The following STAU2 variants were observed in gnomAD, a reference collection of about 807,000 sequenced individuals.
STAU2 encodes the protein double-stranded RNA-binding protein Staufen homolog 2.
STAU2 carries 20 observed loss-of-function variants against 65.9 expected under a neutral mutation model. The observed-to-expected ratio is 0.30, with a 90% CI of 0.21 to 0.44. The LOEUF (loss-of-function observed/expected upper bound fraction) is 0.44. Among genes scored for constraint, STAU2 ranks in the 20% least tolerant of loss-of-function variants. STAU2 has a pLI of 1.00. For missense variants in STAU2, 558 were observed against 683.9 expected, an observed-to-expected ratio of 0.82 and a Z score of 2.05; for synonymous variants, 232 against 233.9, an observed-to-expected ratio of 0.99 and a Z score of 0.07.
At chr8:73,741,535 C>T (rs1262648010) in intron 1 of STAU2, among the ~76,000 whole-genome samples, 7 of 147,878 alleles carry the variant, frequency 4.7e-5, no homozygotes, top group African/African-American at 1.5e-4. Context: ...TTTTTTGAGA[C>T]GGAGTCTTGC....
At chr8:73,689,055 T>G (rs963285279) in intron 4 of STAU2, among the ~76,000 whole-genome samples, 2 of 152,204 alleles carry the variant, frequency 1.3e-5, no homozygotes, top group African/African-American at 4.8e-5. Context: ...CTGGGTAGAA[T>G]AAATCAAGAA....
intron 12 of STAU2, among the ~76,000 whole-genome samples, chr8:73,558,587 G>A (rs2128947600): frequency 6.6e-6 from 1 of 152,232 alleles, no homozygotes; most frequent in East Asian, 1.9e-4. Flanking sequence ...AATGATCACT[G>A]ATGTCATGAT....
rs1811814757 is a variant in STAU2, at chr8:73,603,814, T to C, written c.941A>G (p.Gln314Arg). 1 of 1,612,106 alleles carries C rather than the reference T, an allele frequency of 6.2e-7. No individual in the cohort carries two copies. The highest frequency in any genetic ancestry group is 8.5e-7 in the Non-Finnish European group (1 of 1,179,908). Residue 314 changes from glutamine (Q) to arginine (R), a missense_variant, in exon 10 of 15, where the codon CAA becomes CGA. Coordinates refer to ENST00000524300, the MANE Select transcript of STAU2 (RefSeq NM_001164380.2). ...CTTTTCCTTTTTGGCCTGTTGAATTTGCGCCAGGCGGCTAATAGGGTTCAT... is the reference window on the plus strand; with the variant it reads ...CTTTTCCTTTTTGGCCTGTTGAATTCGCGCCAGGCGGCTAATAGGGTTCAT... Reference protein sequence around the residue: ...QGMNPISRLAQIQQAKKEKEP... With the variant: ...QGMNPISRLARIQQAKKEKEP...
chr8:73,649,224 T>C (rs1208557678), intron 6 of STAU2, among the ~76,000 whole-genome samples: 3 of 152,178 alleles, frequency 2.0e-5, no homozygotes, highest in African/African-American at 4.8e-5. Context: ...GCACATCCCA[T>C]ATTCTTGTTT....
At chr8:73,718,047 A>G (rs1306562487) in intron 3 of STAU2, among the ~76,000 whole-genome samples, 1 of 152,246 alleles carries the variant, frequency 6.6e-6, no homozygotes, top group East Asian at 1.9e-4. Flanking sequence ...TAATATGTCA[A>G]TGACTGTTAT....
At chr8:73,709,988 T>C (rs753394465) in intron 3 of STAU2, among the ~76,000 whole-genome samples, 1 of 152,042 alleles carries the variant, frequency 6.6e-6, no homozygotes, top group Non-Finnish European at 1.5e-5. Context: ...TTAACTACCA[T>C]AGAATTTCTT....
chr8:73,716,014 A>C (rs56190830), intron 3 of STAU2, among the ~76,000 whole-genome samples: 30,698 of 151,744 alleles, frequency 0.2, 3,456 homozygotes, highest in East Asian at 0.37. Context: ...TCCCAAGCTC[A>C]AGCGATTCTT....
intron 6 of STAU2, chr8:73,653,354 A>G (rs1481703559): frequency 6.6e-6 from 1 of 152,244 alleles, no homozygotes; most frequent in Admixed American, 6.5e-5. Flanking sequence ...AATATATGCC[A>G]TAACTTTTAG....
At chr8:73,518,639 C>T (rs1822872299) in intron 13 of STAU2, among the ~76,000 whole-genome samples, 1 of 152,112 alleles carries the variant, frequency 6.6e-6, no homozygotes, top group African/African-American at 2.4e-5. Context: ...AAAAGCCATT[C>T]TTAGTTCAGG....
intron 3 of STAU2, among the ~76,000 whole-genome samples, chr8:73,715,350 G>A (rs1182349883): frequency 1.3e-5 from 2 of 151,626 alleles, no homozygotes; most frequent in Non-Finnish European, 2.9e-5. Flanking sequence ...GAGCTATTCG[G>A]GAGGCTGAGG....
chr8:73,617,318 C>G lies in STAU2; in HGVS notation c.544G>C (p.Glu182Gln). 6.2e-7 allele frequency: 1 copy of G among 1,614,078 alleles called. No homozygotes were observed. The highest frequency in any genetic ancestry group is 8.5e-7 in the Non-Finnish European group (1 of 1,179,974). The change falls in exon 7 of 15, where the codon GAA becomes CAA. Residue 182 changes from glutamate to glutamine, a missense_variant. Around this residue, in one of 3 missense-constraint regions of STAU2, gnomAD observed 199 missense variants for 299.5 expected, o/e 0.66. Coordinates refer to ENST00000524300, the MANE Select transcript of STAU2 (RefSeq NM_001164380.2). ...TGAGGAGATCTTTCTGGAATAGGTT[C>G]ATTCTGCAGTGCTTGGAGGGCTTTC... ...AMKALQALQN[E>Q]PIPERSPQNG...
At chr8:73,500,222 C>T (rs1231545622) in intron 13 of STAU2, among the ~76,000 whole-genome samples, 1 of 151,874 alleles carries the variant, frequency 6.6e-6, no homozygotes. Context: ...GTCCTTTATA[C>T]AAAATGGCAT....
At chr8:73,733,619 G>A (rs1231278759) in intron 3 of STAU2, among the ~76,000 whole-genome samples, 4 of 151,698 alleles carry the variant, frequency 2.6e-5, no homozygotes, top group African/African-American at 9.7e-5. Flanking sequence ...ATTATCAGAG[G>A]GCATAATCCA....
intron 13 of STAU2, among the ~76,000 whole-genome samples, chr8:73,437,193 C>A (rs73318753): frequency 1.3e-5 from 2 of 152,126 alleles, no homozygotes; most frequent in Non-Finnish European, 2.9e-5. Context: ...ATCCATGTCA[C>A]CTGTGGTATG....
chr8:73,746,850 C>T, upstream of STAU2: 1 of 1,217,200 alleles, frequency 8.2e-7, no homozygotes, highest in Non-Finnish European at 1.0e-6. Context: ...TGACCCCGCT[C>T]GGCCGCCGCC....
At chr8:73,687,313 T>A (rs1818944662) in intron 5 of STAU2, among the ~76,000 whole-genome samples, 4 of 121,820 alleles carry the variant, frequency 3.3e-5, no homozygotes, top group African/African-American at 5.9e-5. Context: ...TAAATATAAT[T>A]TATATTTATA....
intron 6 of STAU2, among the ~76,000 whole-genome samples, chr8:73,618,835 TACCCAAAG>T (rs772352196): frequency 2.8e-4 from 42 of 152,336 alleles, no homozygotes; most frequent in Middle Eastern, 3.4e-3. Context: ...ATGATGGGTT[TACCCAAAG>T]ACTGGCTATG....
intron 13 of STAU2, among the ~76,000 whole-genome samples, chr8:73,468,792 A>G (rs1201440352): frequency 6.6e-6 from 1 of 152,196 alleles, no homozygotes; most frequent in African/African-American, 2.4e-5. Flanking sequence ...AATCATTAAA[A>G]AGTCAGGAAA....
At chr8:73,541,734 A>G (rs1258288753) in intron 13 of STAU2, among the ~76,000 whole-genome samples, 1 of 151,770 alleles carries the variant, frequency 6.6e-6, no homozygotes, top group African/African-American at 2.4e-5. Flanking sequence ...GAATCTCAAC[A>G]GAGAAAAGGA....
Sources: gnomAD v4.1 joint callset for allele counts (sites outside exome capture counted in the v4.1 genomes callset) on GRCh38, gnomAD v4.1.1 for gene constraint, gnomAD v4.1.1 regional missense constraint, MANE v1.5 for transcripts, NCBI Gene and HGNC (gene_info 2026-07-23, HGNC 2026-07-21) for gene names.